The following SH3GL2 variants were observed in gnomAD, a reference collection of about 807,000 sequenced individuals.
SH3GL2 encodes the protein endophilin-A1.
SH3GL2 carries 24 observed loss-of-function variants against 46.0 expected under a neutral mutation model. The ratio of observed to expected loss-of-function variants is 0.52; its 90% CI spans 0.38 to 0.73. The LOEUF is 0.73. SH3GL2 is among the 30% of genes least tolerant of loss of function. The pLI is 0.00. For missense variants in SH3GL2, 413 were observed against 424.2 expected, an observed-to-expected ratio of 0.97 and a Z score of 0.23; for synonymous variants, 196 against 147.1, an observed-to-expected ratio of 1.33 and a Z score of -2.40.
At chr9:17,755,779 C>G in intron 2 of SH3GL2, 1 of 985,076 alleles carries the variant, frequency 1.0e-6, no homozygotes, top group Non-Finnish European at 1.2e-6. Context: ...CCACGCTGTT[C>G]ACGAGTCCTT....
At chr9:17,617,208 G>C (rs1174385368) in intron 1 of SH3GL2, among the ~76,000 whole-genome samples, 2 of 152,194 alleles carry the variant, frequency 1.3e-5, no homozygotes, top group Non-Finnish European at 2.9e-5. Context: ...TAAGGAATAT[G>C]CTATTGGTGG....
intron 2 of SH3GL2, among the ~76,000 whole-genome samples, chr9:17,752,952 C>T (rs1161401593): frequency 6.6e-6 from 1 of 152,138 alleles, no homozygotes; most frequent in Non-Finnish European, 1.5e-5. Flanking sequence ...TAAGTGAGAA[C>T]ATGTGGTATT....
At position 17,579,242 on chromosome 9, in the gene SH3GL2, C is replaced by T. The variant is rs774212122; in HGVS notation, c.-1C>T. ...CAGCCGCCAGCGCGGCCTCCTGCAC[C>T]ATGTCGGTGGCCGGCCTCAAGAAGC... is the stretch of plus-strand genomic sequence containing the variant. On this transcript the variant is annotated 5_prime_UTR_variant, in exon 1 of 9. Coordinates refer to ENST00000380607, the MANE Select transcript of SH3GL2 (RefSeq NM_003026.5). 29 of 1,562,308 alleles carry T rather than the reference C, an allele frequency of 1.9e-5. No homozygotes were observed. The South Asian group carries it at 3.4e-4, about 18-fold the overall frequency.
chr9:17,644,545 A>G (rs1251177402), intron 1 of SH3GL2, among the ~76,000 whole-genome samples: 2 of 152,116 alleles, frequency 1.3e-5, no homozygotes, highest in Non-Finnish European at 2.9e-5. Flanking sequence ...TTGGTTTCAA[A>G]TAACTTATTT....
intron 2 of SH3GL2, among the ~76,000 whole-genome samples, chr9:17,749,910 A>G (rs1178754732): frequency 6.6e-6 from 1 of 152,190 alleles, no homozygotes; most frequent in African/African-American, 2.4e-5. Context: ...CAAAATATAG[A>G]TACTCCTGCA....
At chr9:17,786,359 C>G (rs1488912879) in intron 3 of SH3GL2, 22 bp from the exon 4 acceptor site, 2 of 1,597,202 alleles carry the variant, frequency 1.3e-6, no homozygotes, top group Non-Finnish European at 1.7e-6. Flanking sequence ...ACTCTGAAAG[C>G]TTGTTCTCTC....
In SH3GL2 at chr9:17,630,782, T is replaced by C. The variant is rs946337673; in HGVS notation, c.45+51495T>C. ...AGCCTTTCGAGTCTCCAAATGCCATTTGGAAGAAGAGGGTGGGGGAGTTGG... is the reference window on the plus strand; with the variant it reads ...AGCCTTTCGAGTCTCCAAATGCCATCTGGAAGAAGAGGGTGGGGGAGTTGG... On this transcript the variant is annotated intron_variant, in intron 1 of 8. Transcript: ENST00000380607. Among the ~76,000 whole-genome samples the C allele has an allele frequency of 3.9e-5, 6 of 152,082 alleles. No homozygotes were observed. In the East Asian group the frequency reaches 7.7e-4, roughly 20 times the overall value.
At chr9:17,623,049 TCC>T (rs765530081) in intron 1 of SH3GL2, among the ~76,000 whole-genome samples, 111 of 109,352 alleles carry the variant, frequency 1.0e-3, no homozygotes, top group East Asian at 1.4e-3. Context: ...TCCTTCCCCT[TCC>T]CCTTCCCCTT....
At chr9:17,732,561 A>C (rs987353188) in intron 1 of SH3GL2, among the ~76,000 whole-genome samples, 2 of 152,138 alleles carry the variant, frequency 1.3e-5, no homozygotes, top group African/African-American at 4.8e-5. Flanking sequence ...AAACAACGAT[A>C]GTTTAAAATA....
chr9:17,635,801 A>G (rs1819529012), intron 1 of SH3GL2, among the ~76,000 whole-genome samples: 2 of 152,166 alleles, frequency 1.3e-5, no homozygotes, highest in African/African-American at 2.4e-5. Context: ...GGACATCCTA[A>G]GGCTCTCTGA....
chr9:17,615,077 A>G (rs958111685), intron 1 of SH3GL2, among the ~76,000 whole-genome samples: 4 of 152,094 alleles, frequency 2.6e-5, no homozygotes, highest in African/African-American at 7.2e-5. Flanking sequence ...TGCTGTGGAC[A>G]CTTGGGCTGT....
chr9:17,597,123 G>C (rs1393908073), intron 1 of SH3GL2, among the ~76,000 whole-genome samples: 1 of 152,194 alleles, frequency 6.6e-6, no homozygotes, highest in Non-Finnish European at 1.5e-5. Flanking sequence ...CAAGAGATTT[G>C]TTTTCTTGTG....
intron 1 of SH3GL2, among the ~76,000 whole-genome samples, chr9:17,616,511 A>T (rs970560011): frequency 6.6e-6 from 1 of 152,154 alleles, no homozygotes; most frequent in Admixed American, 6.5e-5. Context: ...TTTTATTTTG[A>T]TTATGTTGAA....
chr9:17,579,193 C>T lies in SH3GL2; in HGVS notation c.-50C>T, dbSNP rs775428306. ...CGCCCCGCTCGGCCCTCCAGTCCCC[C>T]TCCGCCTCCTCCCTCCCGCACAGCA... On this transcript the variant is annotated 5_prime_UTR_variant, in exon 1 of 9. Transcript: ENST00000380607. 6.9e-7 allele frequency: 1 copy of T among 1,442,706 alleles called. No individual in the cohort carries two copies. 89.4% of individuals were successfully genotyped at this position (1,442,706 alleles called of 1,614,324 possible).
At chr9:17,617,972 G>T (rs891025593) in intron 1 of SH3GL2, among the ~76,000 whole-genome samples, 3 of 152,104 alleles carry the variant, frequency 2.0e-5, no homozygotes, top group Non-Finnish European at 4.4e-5. Flanking sequence ...TTTTGGCTAG[G>T]GTTTAGGGGA....
chr9:17,667,368 A>C (rs1241065183), intron 1 of SH3GL2, among the ~76,000 whole-genome samples: 2 of 151,568 alleles, frequency 1.3e-5, no homozygotes, highest in Non-Finnish European at 2.9e-5. Context: ...ACTGGCACCC[A>C]CTCTCCTCAA....
chr9:17,594,367 T>C (rs1291661732), intron 1 of SH3GL2, among the ~76,000 whole-genome samples: 1 of 152,148 alleles, frequency 6.6e-6, no homozygotes, highest in Non-Finnish European at 1.5e-5. Context: ...ATCACCACTT[T>C]ATCAGCTTCA....
intron 2 of SH3GL2, among the ~76,000 whole-genome samples, chr9:17,749,957 A>G (rs1232729991): frequency 6.6e-6 from 1 of 152,154 alleles, no homozygotes; most frequent in Non-Finnish European, 1.5e-5. Flanking sequence ...GAACACACTC[A>G]TGGCTCTTTA....
chr9:17,728,458 A>T (rs10124069), intron 1 of SH3GL2, among the ~76,000 whole-genome samples: 44,783 of 151,852 alleles, frequency 0.29, 7,969 homozygotes, highest in African/African-American at 0.49. Context: ...TTAAATTTTT[A>T]AAATTATTTA....
Sources: gnomAD v4.1 joint callset for allele counts (sites outside exome capture counted in the v4.1 genomes callset) on GRCh38, gnomAD v4.1.1 for gene constraint, MANE v1.5 for transcripts, NCBI Gene and HGNC (gene_info 2026-07-23, HGNC 2026-07-21) for gene names.